TBCK: variants seen among roughly 807,000 people sequenced by gnomAD.
TBCK encodes TBC1 domain containing kinase, also known as TBC domain-containing protein kinase-like protein.
In TBCK, 99 loss-of-function variants were observed where a neutral mutation model predicts 113.4. That is an observed-to-expected ratio of 0.87 (90% CI 0.74 to 1.03). The LOEUF is 1.03. Ranked by LOEUF, TBCK falls within the 50% of genes least tolerant of loss-of-function variation. The probability of loss-of-function intolerance (pLI) is 0.00; values close to 1 mark genes in which losing one functional copy is unlikely to be tolerated. For synonymous variants in TBCK, 369 were observed against 370.8 expected (o/e 1.00, Z 0.05); for missense variants, 1,045 against 1,061.3 (o/e 0.98, Z 0.21).
intron 25 of TBCK, among the ~76,000 whole-genome samples, chr4:106,084,433 C>T (rs2149496559): frequency 6.6e-6 from 1 of 152,120 alleles, no homozygotes; most frequent in South Asian, 2.1e-4. Context: ...AAATATGGGA[C>T]TTAATAAAAA....
At chr4:106,265,238 T>A (rs1295738829) in intron 3 of TBCK, among the ~76,000 whole-genome samples, 1 of 151,940 alleles carries the variant, frequency 6.6e-6, no homozygotes, top group African/African-American at 2.4e-5. Flanking sequence ...CTGGAACTAT[T>A]TTTTTAATTT....
intron 1 of TBCK, chr4:106,315,401 A>C (rs1768697231): frequency 6.6e-6 from 1 of 152,216 alleles, no homozygotes; most frequent in Admixed American, 6.5e-5. Context: ...ACATTTCTTC[A>C]ACAGGAAAAT....
chr4:106,201,262 T>C (rs1754860549), intron 20 of TBCK, among the ~76,000 whole-genome samples: 1 of 152,022 alleles, frequency 6.6e-6, no homozygotes, highest in Non-Finnish European at 1.5e-5. Context: ...TTTCTTTCTA[T>C]ATTTCTCCCG....
At chr4:106,081,610 C>T (rs1015997297) in intron 25 of TBCK, among the ~76,000 whole-genome samples, 18 of 152,098 alleles carry the variant, frequency 1.2e-4, no homozygotes, top group Non-Finnish European at 2.4e-4. Context: ...CAGGAAACAA[C>T]GATGGCACAC....
chr4:106,107,855 T>G (rs1272051988), intron 24 of TBCK, among the ~76,000 whole-genome samples: 4 of 152,086 alleles, frequency 2.6e-5, no homozygotes, highest in Non-Finnish European at 5.9e-5. Context: ...GAGTTGGTTT[T>G]TTGAAAAAAT....
chr4:106,276,041 A>C (rs1347185622), intron 3 of TBCK, among the ~76,000 whole-genome samples: 1 of 152,186 alleles, frequency 6.6e-6, no homozygotes, highest in Non-Finnish European at 1.5e-5. Flanking sequence ...AATCATCAAG[A>C]TGTTATGATG....
intron 2 of TBCK, among the ~76,000 whole-genome samples, chr4:106,306,703 C>T (rs908282004): frequency 2.6e-5 from 4 of 152,102 alleles, no homozygotes; most frequent in African/African-American, 9.7e-5. Context: ...CTCATCAGCA[C>T]CTTTATTACT....
intron 20 of TBCK, among the ~76,000 whole-genome samples, chr4:106,197,633 G>A (rs1754419489): frequency 6.6e-6 from 1 of 151,780 alleles, no homozygotes; most frequent in Admixed American, 6.6e-5. Context: ...TAGTAATGGA[G>A]GAAAATTATG....
chr4:106,159,014 T>C (rs2149701835), intron 23 of TBCK, among the ~76,000 whole-genome samples: 1 of 151,542 alleles, frequency 6.6e-6, no homozygotes, highest in African/African-American at 2.4e-5. Context: ...ATATGATACA[T>C]TACATTAACA....
At chr4:106,223,389 T>C (rs968819459) in intron 19 of TBCK, among the ~76,000 whole-genome samples, 1 of 152,138 alleles carries the variant, frequency 6.6e-6, no homozygotes. Flanking sequence ...TTACTGAATA[T>C]ATATGTGTAG....
chr4:106,213,716 C>T lies in TBCK; in HGVS notation c.1775-881G>A, dbSNP rs568829109. On this transcript the variant is annotated intron_variant, in intron 19 of 25. Transcript: ENST00000394708. The stretch of plus-strand genomic sequence containing the variant: ...TATCCTGCACCTGGCTCAGAGGGTC[C>T]TACCCCACGGAGTCTCCCTGATTGC... The T allele has an allele frequency of 9.6e-5, 15 of 156,156 alleles. 1 individual carries two copies. The South Asian group carries it at 3.0e-3, about 32-fold the overall frequency. The allele number at this position is 156,156 out of a possible 1,614,324, so 9.7% of individuals were successfully genotyped here. A position where few individuals can be genotyped will look rare whatever the true frequency, so the allele number is the denominator to read the frequency against.
chr4:106,124,517 T>C (rs372295820), intron 23 of TBCK, among the ~76,000 whole-genome samples: 3 of 152,140 alleles, frequency 2.0e-5, no homozygotes, highest in East Asian at 1.9e-4. Context: ...ACCCAAAGGA[T>C]TATAAATCAT....
chr4:106,049,819 A>C (rs17036551), intron 25 of TBCK, among the ~76,000 whole-genome samples: 6,276 of 152,090 alleles, frequency 0.041, 436 homozygotes, highest in African/African-American at 0.14. Flanking sequence ...CAGCAATAAC[A>C]AGGTTTGTTG....
At chr4:106,231,642 TAAAACA>T in intron 18 of TBCK, 81 bp downstream of exon 18, 1 of 1,292,124 alleles carries the variant, frequency 7.7e-7, no homozygotes, top group Non-Finnish European at 1.1e-6. Context: ...ATAAGAGCCT[TAAAACA>T]AAAACAAAAA....
chr4:106,303,745 T>C (rs960711292), intron 2 of TBCK, among the ~76,000 whole-genome samples: 1 of 152,138 alleles, frequency 6.6e-6, no homozygotes, highest in African/African-American at 2.4e-5. Context: ...ATTCCACAAC[T>C]GATATCAACC....
intron 2 of TBCK, among the ~76,000 whole-genome samples, chr4:106,298,523 T>C (rs1380170453): frequency 6.6e-6 from 1 of 151,330 alleles, no homozygotes; most frequent in Non-Finnish European, 1.5e-5. Context: ...GGCAGGAGAA[T>C]GGCATGAACC....
At chr4:106,176,219 T>A (rs903548128) in intron 22 of TBCK, among the ~76,000 whole-genome samples, 1 of 152,092 alleles carries the variant, frequency 6.6e-6, no homozygotes, top group Non-Finnish European at 1.5e-5. Flanking sequence ...TAACAAATTA[T>A]TGTTAACTAT....
chr4:106,180,748 A>G lies in TBCK; in HGVS notation c.2060-9478T>C, dbSNP rs1425126252. On this transcript the variant is annotated intron_variant, in intron 22 of 25. Transcript: ENST00000394708. ...ATGGCTGCATAGTATTCCATGGTATATATGTGCCACAATTTCTTAATCCAG... is the reference window on the plus strand; with the variant it reads ...ATGGCTGCATAGTATTCCATGGTATGTATGTGCCACAATTTCTTAATCCAG... 3.9e-5 allele frequency among the ~76,000 whole-genome samples: 6 copies of G among 152,140 alleles called. No homozygotes were observed. The East Asian group carries it at 5.8e-4, about 15-fold the overall frequency.
upstream of TBCK, chr4:106,316,337 A>G: frequency 3.5e-6 from 2 of 568,958 alleles, no homozygotes; most frequent in South Asian, 4.2e-5. Flanking sequence ...ATAGCGAGAG[A>G]GAAAGAGGTG....
Sources: gnomAD v4.1 joint callset for allele counts (sites outside exome capture counted in the v4.1 genomes callset) on GRCh38, gnomAD v4.1.1 for gene constraint, MANE v1.5 for transcripts, NCBI Gene and HGNC (gene_info 2026-07-23, HGNC 2026-07-21) for gene names.